The following MAPRE3 variants were observed in gnomAD, a reference collection of about 807,000 sequenced individuals.
The protein encoded by MAPRE3 is microtubule associated protein RP/EB family member 3, also known as microtubule-associated protein RP/EB family member 3.
A neutral mutation model predicts 30.5 loss-of-function variants in MAPRE3; 2 were observed. That is an observed-to-expected ratio of 0.07 (90% confidence interval 0.03 to 0.21). MAPRE3 has a LOEUF of 0.21. MAPRE3 is among the 10% of genes least tolerant of loss of function. MAPRE3 has a pLI of 1.00. For synonymous variants in MAPRE3, 110 were observed against 127.7 expected (o/e 0.86, Z 0.93); for missense variants, 204 against 351.8 (o/e 0.58, Z 3.36).
chr2:27,019,490 A>G (rs1667068331), intron 1 of MAPRE3, among the ~76,000 whole-genome samples: 2 of 152,202 alleles, frequency 1.3e-5, no homozygotes, highest in Admixed American at 1.3e-4. Context: ...TGCCTGTGAC[A>G]GGCCTGGATA....
intron 1 of MAPRE3, among the ~76,000 whole-genome samples, chr2:27,010,510 T>C (rs1052720188): frequency 2.0e-5 from 3 of 151,054 alleles, no homozygotes; most frequent in Non-Finnish European, 2.9e-5. Context: ...TGGTGTGATA[T>C]TGGCTCACTG....
chr2:26,973,745 C>T (rs570732501), intron 1 of MAPRE3, among the ~76,000 whole-genome samples: 3 of 151,888 alleles, frequency 2.0e-5, no homozygotes, highest in African/African-American at 4.8e-5. Context: ...TTAGTAGAGA[C>T]GGGGTTTCAC....
chr2:26,995,896 T>C (rs570511748), intron 1 of MAPRE3, among the ~76,000 whole-genome samples: 1 of 149,912 alleles, frequency 6.7e-6, no homozygotes. Flanking sequence ...TGGGGACTAC[T>C]GATATTCCGG....
intron 1 of MAPRE3, among the ~76,000 whole-genome samples, chr2:26,971,480 G>A (rs1420359492): frequency 6.6e-6 from 1 of 152,242 alleles, no homozygotes; most frequent in Non-Finnish European, 1.5e-5. Flanking sequence ...AGTGGGCTGA[G>A]CTACTGCCCG....
At chr2:27,017,202 C>T (rs1352437426) in intron 1 of MAPRE3, among the ~76,000 whole-genome samples, 2 of 152,308 alleles carry the variant, frequency 1.3e-5, no homozygotes, top group African/African-American at 4.8e-5. Flanking sequence ...CCTGCAGAGA[C>T]CCCTGGGTGC....
At chr2:26,995,823 G>GTGTGTGTGTGTA (rs1200785865) in intron 1 of MAPRE3, among the ~76,000 whole-genome samples, 6 of 150,166 alleles carry the variant, frequency 4.0e-5, no homozygotes, top group Non-Finnish European at 7.4e-5. Context: ...GTGTGTGTGT[G>GTGTGTGTGTGTA]TGTGTGTATG....
chr2:26,988,447 A>C (rs935637313), intron 1 of MAPRE3, among the ~76,000 whole-genome samples: 1 of 152,224 alleles, frequency 6.6e-6, no homozygotes, highest in Non-Finnish European at 1.5e-5. Context: ...GAAATTTTTC[A>C]GCAAATTTTT....
rs373645098 is a variant in MAPRE3, at chr2:27,025,862, C to G, written c.625-18C>G. 6.2e-7 allele frequency: 1 copy of G among 1,613,954 alleles called. No homozygotes were observed. The highest frequency in any genetic ancestry group is 1.3e-5 in the African/African-American group (1 of 74,928). On this transcript the variant is annotated intron_variant, in intron 5 of 6. Coordinates refer to ENST00000233121, the MANE Select transcript of MAPRE3 (RefSeq NM_012326.4). ...AGGTGGGGACCTCTGGCTTGAACAT[C>G]ACTTTGTCCCCAAGCAGCTGGTGGA...
intron 1 of MAPRE3, among the ~76,000 whole-genome samples, chr2:26,999,174 A>C (rs1666530178): frequency 6.6e-6 from 1 of 152,136 alleles, no homozygotes; most frequent in South Asian, 2.1e-4. Flanking sequence ...GATCCTACAG[A>C]TGTTTGGTCT....
intron 1 of MAPRE3, among the ~76,000 whole-genome samples, chr2:26,977,592 C>T (rs984527003): frequency 2.6e-5 from 4 of 152,210 alleles, no homozygotes; most frequent in Admixed American, 1.3e-4. Flanking sequence ...TGTCACCTTC[C>T]GTTCAGCCAT....
At chr2:27,022,535 G>A in intron 2 of MAPRE3, 196 bp downstream of exon 2, 1 of 670,650 alleles carries the variant, frequency 1.5e-6, no homozygotes, top group Non-Finnish European at 2.5e-6. Flanking sequence ...GGATGGTGTA[G>A]CCTACTACAC....
At chr2:27,005,483 A>T (rs1666705008) in intron 1 of MAPRE3, among the ~76,000 whole-genome samples, 1 of 152,218 alleles carries the variant, frequency 6.6e-6, no homozygotes, top group African/African-American at 2.4e-5. Flanking sequence ...CTCTGCAGCA[A>T]ATCCTCAGTC....
At chr2:26,991,899 G>A (rs972252465) in intron 1 of MAPRE3, among the ~76,000 whole-genome samples, 5 of 152,100 alleles carry the variant, frequency 3.3e-5, no homozygotes, top group Admixed American at 1.3e-4. Flanking sequence ...AATAACTTGC[G>A]TAAATCATGC....
rs375958734 is a variant in MAPRE3, at chr2:27,001,034, G to A, written c.-7-21178G>A. 3.2e-4 allele frequency among the ~76,000 whole-genome samples: 49 copies of A among 152,040 alleles called. No individual in the cohort carries two copies. The South Asian group carries it at 8.5e-3, about 26-fold the overall frequency. On this transcript the variant is annotated intron_variant, in intron 1 of 6. Coordinates refer to ENST00000233121, the MANE Select transcript of MAPRE3 (RefSeq NM_012326.4). ...TATGAAAATAAAATCCCATATAACCGTACCATCAGACAGAACCACAATTAT... is the reference window on the plus strand; with the variant it reads ...TATGAAAATAAAATCCCATATAACCATACCATCAGACAGAACCACAATTAT...
rs575242663 is a variant in MAPRE3 at position 27,010,219 on chromosome 2, A to C, written c.-7-11993A>C. On this transcript the variant is annotated intron_variant, in intron 1 of 6. Coordinates refer to ENST00000233121, the MANE Select transcript of MAPRE3 (RefSeq NM_012326.4). ...TCAATATGTACAACATTATTTTCCA[A>C]ACATTCAACTTAGTTAAGACTTTAT... Among the ~76,000 whole-genome samples, 3 of 152,344 alleles carry C rather than the reference A, an allele frequency of 2.0e-5. No homozygotes were observed. The South Asian group carries it at 6.2e-4, about 32-fold the overall frequency.
At chr2:26,981,925 AGC>A (rs986723935) in intron 1 of MAPRE3, among the ~76,000 whole-genome samples, 21 of 152,126 alleles carry the variant, frequency 1.4e-4, no homozygotes, top group African/African-American at 4.8e-4. Context: ...ATCCCTACTG[AGC>A]CATGCCTCTC....
intron 6 of MAPRE3, 72 bp downstream of exon 6, chr2:27,026,104 A>G: frequency 1.3e-6 from 2 of 1,571,050 alleles, no homozygotes; most frequent in Admixed American, 3.4e-5. Context: ...CGATAGGGCC[A>G]GAAGGGACCG....
intron 4 of MAPRE3, among the ~76,000 whole-genome samples, chr2:27,024,850 C>T (rs1382361588): frequency 6.6e-6 from 1 of 152,086 alleles, no homozygotes; most frequent in Non-Finnish European, 1.5e-5. Flanking sequence ...GAAGCAGCAG[C>T]GTTGGGAGGG....
chr2:26,979,809 A>T (rs1666078688), intron 1 of MAPRE3, among the ~76,000 whole-genome samples: 1 of 152,202 alleles, frequency 6.6e-6, no homozygotes, highest in South Asian at 2.1e-4. Context: ...TATTGGTGAC[A>T]TTAACCAGAA....
Sources: gnomAD v4.1 joint callset for allele counts (sites outside exome capture counted in the v4.1 genomes callset) on GRCh38, gnomAD v4.1.1 for gene constraint, MANE v1.5 for transcripts, NCBI Gene and HGNC (gene_info 2026-07-23, HGNC 2026-07-21) for gene names.